The following RPS6KA2 variants were observed in gnomAD, a reference collection of about 807,000 sequenced individuals.
RPS6KA2 encodes the protein ribosomal protein S6 kinase alpha-2.
Under a neutral mutation model 91.8 loss-of-function variants are expected in RPS6KA2, and 42 were observed. The ratio of observed to expected loss-of-function variants is 0.46; its 90% confidence interval spans 0.36 to 0.59. The LOEUF (loss-of-function observed/expected upper bound fraction) is 0.59. RPS6KA2 is among the 20% of genes least tolerant of loss of function. RPS6KA2 has a pLI of 0.00. For synonymous variants in RPS6KA2, 414 were observed against 393.6 expected (o/e 1.05, Z -0.61); for missense variants, 798 against 978.5 (o/e 0.82, Z 2.46).
upstream of RPS6KA2, chr6:166,628,060 C>G (rs1210904013): frequency 6.6e-6 from 1 of 152,210 alleles, no homozygotes; most frequent in Non-Finnish European, 1.5e-5. Context: ...CCCTCCGCAG[C>G]CGGTCCCGCT....
chr6:166,674,436 C>CAGCT (rs1320119844), intron 2 of RPS6KA2, among the ~76,000 whole-genome samples: 1 of 152,120 alleles, frequency 6.6e-6, no homozygotes, highest in African/African-American at 2.4e-5. Flanking sequence ...CAGGGAGAGG[C>CAGCT]AGCTCAGGGG....
At chr6:166,778,973 T>C (rs923008117) in intron 2 of RPS6KA2, among the ~76,000 whole-genome samples, 4 of 152,230 alleles carry the variant, frequency 2.6e-5, no homozygotes, top group African/African-American at 9.6e-5. Context: ...GAGAGCAGTT[T>C]GTCGATAGCA....
At chr6:166,753,820 T>C (rs1035811810) in intron 2 of RPS6KA2, among the ~76,000 whole-genome samples, 1 of 152,222 alleles carries the variant, frequency 6.6e-6, no homozygotes, top group Admixed American at 6.5e-5. Context: ...TCACGGTTAA[T>C]AATGAAGAAA....
intron 2 of RPS6KA2, among the ~76,000 whole-genome samples, chr6:166,647,172 T>A (rs1329256962): frequency 2.6e-5 from 4 of 152,056 alleles, no homozygotes; most frequent in Admixed American, 2.0e-4. Context: ...ATTTTTTTTT[T>A]AACTCTAAAC....
chr6:166,700,964 T>C, intron 2 of RPS6KA2: 1 of 723,658 alleles, frequency 1.4e-6, no homozygotes, highest in Non-Finnish European at 2.4e-6. Context: ...AGTTGCCTGG[T>C]CCTCAGAAAC....
At chr6:166,566,261 C>T (rs547230339) in intron 1 of RPS6KA2, among the ~76,000 whole-genome samples, 215 of 152,300 alleles carry the variant, frequency 1.4e-3, no homozygotes, top group Non-Finnish European at 2.5e-3. Context: ...GAGCCTACAT[C>T]GGTGTCCTTG....
At chr6:166,601,059 A>C (rs1303233459) in intron 1 of RPS6KA2, among the ~76,000 whole-genome samples, 1 of 152,262 alleles carries the variant, frequency 6.6e-6, no homozygotes, top group East Asian at 1.9e-4. Context: ...AAAAGAAGAA[A>C]AAGAAAAAAC....
In RPS6KA2 at chr6:166,825,368, G is replaced by A. The variant is rs537842086; in HGVS notation, c.123+32832C>T. On this transcript the variant is annotated intron_variant, in intron 2 of 21. Coordinates refer to the RPS6KA2 transcript ENST00000503859. The surrounding 1 kb of genome is among the most constrained non-coding windows in gnomAD (Gnocchi z 4.1). ...CTTTAACCTCTCATTCCCAGGTAAC[G>A]CCTGGAGTTGAGGAAGAACTCGGGC... Among the ~76,000 whole-genome samples, 77 of 152,334 alleles carry A rather than the reference G, an allele frequency of 5.1e-4. 3 individuals are homozygous for A. In the South Asian group the frequency reaches 0.016, roughly 31 times the overall value.
At chr6:166,608,800 G>A (rs1055713266) in intron 1 of RPS6KA2, among the ~76,000 whole-genome samples, 1 of 152,116 alleles carries the variant, frequency 6.6e-6, no homozygotes, top group East Asian at 1.9e-4. Context: ...ATATTCTTTA[G>A]ATGTTTGTTC....
chr6:166,703,229 C>T (rs894907394), intron 2 of RPS6KA2, among the ~76,000 whole-genome samples: 1 of 152,196 alleles, frequency 6.6e-6, no homozygotes, highest in Non-Finnish European at 1.5e-5. Context: ...ATGTCAATGG[C>T]TACATGTATT....
intron 3 of RPS6KA2, among the ~76,000 whole-genome samples, chr6:166,513,709 G>T (rs1395272327): frequency 1.3e-5 from 2 of 152,160 alleles, no homozygotes; most frequent in African/African-American, 4.8e-5. Context: ...CAAGCAACCT[G>T]GGCTGAAGGA....
intron 16 of RPS6KA2, among the ~76,000 whole-genome samples, chr6:166,428,698 G>A (rs1779013702): frequency 6.6e-6 from 1 of 151,882 alleles, no homozygotes; most frequent in Non-Finnish European, 1.5e-5. Flanking sequence ...AAAAACACAT[G>A]AAAAAATGCT....
At chr6:166,694,354 G>T (rs1359675864) in intron 2 of RPS6KA2, among the ~76,000 whole-genome samples, 1 of 152,190 alleles carries the variant, frequency 6.6e-6, no homozygotes, top group Non-Finnish European at 1.5e-5. Context: ...ATCCCATATT[G>T]TTTAGAAGAC....
At chr6:166,654,810 T>C (rs1582990073) in intron 2 of RPS6KA2, among the ~76,000 whole-genome samples, 1 of 152,226 alleles carries the variant, frequency 6.6e-6, no homozygotes, top group African/African-American at 2.4e-5. Context: ...AGACCTGTCA[T>C]GTCAACTTGC....
intron 1 of RPS6KA2, among the ~76,000 whole-genome samples, chr6:166,550,790 C>T (rs1246750515): frequency 6.6e-6 from 1 of 151,962 alleles, no homozygotes; most frequent in African/African-American, 2.4e-5. Context: ...ATCACAAGGT[C>T]AGGAGATCGA....
intron 2 of RPS6KA2, among the ~76,000 whole-genome samples, chr6:166,663,470 G>A (rs776111812): frequency 5.9e-5 from 9 of 152,170 alleles, no homozygotes; most frequent in African/African-American, 1.2e-4. Context: ...TCTCCACCAC[G>A]GCCAAGGAGT....
chr6:166,833,830 T>G (rs1399532090), intron 2 of RPS6KA2, among the ~76,000 whole-genome samples: 1 of 152,226 alleles, frequency 6.6e-6, no homozygotes, highest in Non-Finnish European at 1.5e-5. Flanking sequence ...ATGTCCACAT[T>G]CAGGCATTTT....
chr6:166,806,438 A>G (rs1779493901), intron 2 of RPS6KA2, among the ~76,000 whole-genome samples: 1 of 152,220 alleles, frequency 6.6e-6, no homozygotes, highest in African/African-American at 2.4e-5. Context: ...TTCTCATCAA[A>G]AACTTTGGTG....
At chr6:166,519,118 C>T (rs1583232996) in intron 3 of RPS6KA2, among the ~76,000 whole-genome samples, 1 of 152,230 alleles carries the variant, frequency 6.6e-6, no homozygotes. Flanking sequence ...CAAGCCGCCT[C>T]TTTGACAGCC....
Sources: allele counts gnomAD v4.1 joint callset (sites outside exome capture counted in the v4.1 genomes callset), GRCh38; gene constraint gnomAD v4.1.1; non-coding constraint Gnocchi (gnomAD v3.1); transcripts MANE v1.5; gene names NCBI Gene and HGNC (gene_info 2026-07-23, HGNC 2026-07-21).